The following NRG2 variants were observed in gnomAD, a reference collection of about 807,000 sequenced individuals.
NRG2 encodes pro-neuregulin-2, membrane-bound isoform.
Under a neutral mutation model 73.9 loss-of-function variants are expected in NRG2, and 27 were observed. The ratio of observed to expected loss-of-function variants is 0.37; its 90% CI spans 0.27 to 0.50. The LOEUF is 0.50. Ranked by LOEUF, NRG2 falls within the 20% of genes least tolerant of loss-of-function variation. The probability of loss-of-function intolerance (pLI) is 0.96; values close to 1 mark genes in which losing one functional copy is unlikely to be tolerated. For missense variants in NRG2, 1,126 were observed against 1,210.1 expected (o/e 0.93, Z 1.03); for synonymous variants, 532 against 541.0 (o/e 0.98, Z 0.23).
chr5:139,892,547 C>A (rs891140512), intron 1 of NRG2, among the ~76,000 whole-genome samples: 1 of 152,072 alleles, frequency 6.6e-6, no homozygotes, highest in African/African-American at 2.4e-5. Context: ...TGGGCTAGAT[C>A]GGCCCCTCAC....
intron 3 of NRG2, among the ~76,000 whole-genome samples, chr5:139,874,287 T>G (rs1429087565): frequency 2.0e-5 from 3 of 152,176 alleles, no homozygotes. Context: ...TGACGTGGAC[T>G]CTCCCTTTAC....
intron 1 of NRG2, among the ~76,000 whole-genome samples, chr5:139,958,766 CT>C (rs776785909): frequency 1.6e-4 from 24 of 152,334 alleles, no homozygotes; most frequent in Non-Finnish European, 3.4e-4. Flanking sequence ...CCTGCCACCC[CT>C]GTCCACCACT....
intron 1 of NRG2, among the ~76,000 whole-genome samples, chr5:139,929,955 C>G (rs374328664): frequency 6.6e-6 from 1 of 152,222 alleles, no homozygotes; most frequent in Non-Finnish European, 1.5e-5. Context: ...GGGACAGTCA[C>G]ACCTCATTTG....
At chr5:140,000,675 C>T (rs889859304) in intron 1 of NRG2, among the ~76,000 whole-genome samples, 2 of 152,208 alleles carry the variant, frequency 1.3e-5, no homozygotes, top group Non-Finnish European at 2.9e-5. Context: ...CGGCTCTCTT[C>T]GGAGCTCTCG....
intron 1 of NRG2, among the ~76,000 whole-genome samples, chr5:139,910,241 G>A (rs1765491474): frequency 2.0e-5 from 3 of 152,190 alleles, no homozygotes; most frequent in Admixed American, 2.0e-4. Context: ...GAAGGAGTAA[G>A]GGCTACAGAT....
At position 139,957,307 on chromosome 5, in the gene NRG2, CTGTGTGTGTGTG is replaced by C. The variant is rs70988722; in HGVS notation, c.701-69808_701-69797del. ...TCACCATCCCCCCACTCAAGAATCT[CTGTGTGTGTGTG>C]TGTGTGTGTGTGTGTGTGTGTGTGT... On this transcript the variant is annotated intron_variant, in intron 1 of 9. Coordinates refer to ENST00000361474, the MANE Select transcript of NRG2 (RefSeq NM_004883.3). 1.2e-3 allele frequency among the ~76,000 whole-genome samples: 176 copies of C among 143,978 alleles called. 2 individuals carry two copies. The highest frequency in any genetic ancestry group is 6.9e-3 in the Middle Eastern group (2 of 288). 94.5% of individuals were successfully genotyped at this position (143,978 alleles called of 152,430 possible).
chr5:139,885,886 G>T (rs1381030766), intron 2 of NRG2, among the ~76,000 whole-genome samples: 1 of 152,070 alleles, frequency 6.6e-6, no homozygotes, highest in African/African-American at 2.4e-5. Context: ...CCATCTTCTA[G>T]AAAGAAAGGA....
rs1379470916 is a variant in NRG2 at position 139,868,918 on chromosome 5, T to A, written c.1112+2803A>T. 6.6e-6 allele frequency among the ~76,000 whole-genome samples: 1 copy of A among 151,854 alleles called. No homozygotes were observed. The highest frequency in any genetic ancestry group is 2.4e-5 in the African/African-American group (1 of 41,296). ...ATGGGAAGGGGAGGCATGCCACTGG[T>A]ATGTGCACAGGGCTGGAAAGAGTCT... On this transcript the variant is annotated intron_variant, in intron 4 of 9. Coordinates refer to ENST00000361474, the MANE Select transcript of NRG2 (RefSeq NM_004883.3). This position sits in a 1 kb window ranked among gnomAD's most constrained non-coding sequence, Gnocchi z 4.2.
intron 1 of NRG2, among the ~76,000 whole-genome samples, chr5:140,020,187 T>C (rs1760111316): frequency 6.6e-6 from 1 of 152,192 alleles, no homozygotes; most frequent in Non-Finnish European, 1.5e-5. Context: ...AGAGAATCAA[T>C]AAAAGACTGA....
In NRG2 at chr5:139,952,200, C is replaced by T. The variant is rs72796719; in HGVS notation, c.701-64689G>A. Reference sequence around the variant, plus strand: ...AGTTGGCACCCAATAAATGCAGTTTCCTTTTCCTACCCTGCTCCTCTGCCC... The same window carrying T: ...AGTTGGCACCCAATAAATGCAGTTTTCTTTTCCTACCCTGCTCCTCTGCCC... On this transcript the variant is annotated intron_variant, in intron 1 of 9. Coordinates refer to ENST00000361474, the MANE Select transcript of NRG2 (RefSeq NM_004883.3). Among the ~76,000 whole-genome samples the T allele has an allele frequency of 6.7e-4, 102 of 152,344 alleles. 1 individual carries two copies. Among genetic ancestry groups the T allele is most frequent in the Middle Eastern group, 3.4e-3 (1 of 294 alleles).
At chr5:140,010,150 T>C (rs1759243449) in intron 1 of NRG2, among the ~76,000 whole-genome samples, 1 of 151,950 alleles carries the variant, frequency 6.6e-6, no homozygotes, top group Non-Finnish European at 1.5e-5. Flanking sequence ...ATACAAAAAT[T>C]AGATGGGCAT....
rs1662578880 is a variant in NRG2 at position 139,868,311 on chromosome 5, C to T, written c.1113-2686G>A. The stretch of plus-strand genomic sequence containing the variant: ...TGAGCTGGGCCTATAGCCTCTCTAA[C>T]CTGCACCTAATACCAGGGTAAGAGA... On this transcript the variant is annotated intron_variant, in intron 4 of 9. Coordinates refer to ENST00000361474, the MANE Select transcript of NRG2 (RefSeq NM_004883.3). This position sits in a 1 kb window ranked among gnomAD's most constrained non-coding sequence, Gnocchi z 4.2. 6.6e-6 allele frequency among the ~76,000 whole-genome samples: 1 copy of T among 152,110 alleles called. No homozygotes were observed. The highest frequency in any genetic ancestry group is 2.1e-4 in the South Asian group (1 of 4,824).
chr5:140,041,454 T>C (rs1464257881), intron 1 of NRG2, among the ~76,000 whole-genome samples: 1 of 152,026 alleles, frequency 6.6e-6, no homozygotes, highest in African/African-American at 2.4e-5. Flanking sequence ...CATGGGAGAC[T>C]TCCATTCCCA....
chr5:139,938,274 T>G (rs1442637808), intron 1 of NRG2, among the ~76,000 whole-genome samples: 1 of 152,086 alleles, frequency 6.6e-6, no homozygotes, highest in African/African-American at 2.4e-5. Flanking sequence ...AATTATAAAA[T>G]GTATGTGGAA....
chr5:140,021,016 T>A (rs1183096834), intron 1 of NRG2, among the ~76,000 whole-genome samples: 1 of 152,162 alleles, frequency 6.6e-6, no homozygotes, highest in Admixed American at 6.5e-5. Flanking sequence ...GTGAGTAGGT[T>A]ATGCAAAAGG....
intron 2 of NRG2, among the ~76,000 whole-genome samples, 163 bp from the exon 3 acceptor site, chr5:139,881,137 G>A (rs1333692328): frequency 2.6e-5 from 4 of 152,212 alleles, no homozygotes; most frequent in African/African-American, 7.2e-5. Context: ...GTCCAGGTGG[G>A]GCACGGAGTC....
rs554638565 is a variant in NRG2, at chr5:139,848,346, G to A, written c.2124C>T (p.Pro708=). Residue 708 remains proline, a synonymous_variant, in exon 10 of 10, where the codon CCC becomes CCT. Transcript: ENST00000361474. ...GSLPASPFRI[P]EDDEYETTQE... is the part of the protein sequence containing the mutation. The stretch of plus-strand genomic sequence containing the variant: ...GCGTGGTCTCGTACTCGTCGTCCTC[G>A]GGGATGCGGAAGGGGCTGGCAGGCA... 4.9e-6 allele frequency: 6 copies of A among 1,218,428 alleles called. No homozygotes were observed. The South Asian group carries it at 1.9e-4, about 39-fold the overall frequency. 75.5% of individuals were successfully genotyped at this position (1,218,428 alleles called of 1,614,324 possible).
chr5:139,847,654 T>TTG lies in NRG2; in HGVS notation c.*262_*263insCA, dbSNP rs562273053. 1.2e-3 allele frequency: 374 copies of TTG among 309,902 alleles called. No individual in the cohort carries two copies. Among genetic ancestry groups the TTG allele is most frequent in the African/African-American group, 7.8e-3 (362 of 46,392 alleles). 19.2% of individuals were successfully genotyped at this position (309,902 alleles called of 1,614,324 possible). A position where few individuals can be genotyped will look rare whatever the true frequency, so the allele number is the denominator to read the frequency against. ...AAAATTGGCCCATCTCTCTTTTTTT[T>TTG]TTGTTGTTTCTTTTTTTTTTCCGAA... On this transcript the variant is annotated 3_prime_UTR_variant, in exon 10 of 10. Coordinates refer to ENST00000361474, the MANE Select transcript of NRG2 (RefSeq NM_004883.3).
intron 1 of NRG2, among the ~76,000 whole-genome samples, chr5:139,991,490 C>T (rs546919630): frequency 6.7e-4 from 102 of 152,014 alleles, no homozygotes; most frequent in Non-Finnish European, 1.3e-3. Flanking sequence ...GACAAAGTTT[C>T]ACTCGGTCGC....
Sources: gnomAD v4.1 joint callset for allele counts (sites outside exome capture counted in the v4.1 genomes callset) on GRCh38, gnomAD v4.1.1 for gene constraint, Gnocchi (gnomAD v3.1) non-coding constraint, MANE v1.5 for transcripts, NCBI Gene and HGNC (gene_info 2026-07-23, HGNC 2026-07-21) for gene names.